Variants in FBXL18 observed in about 807,000 individuals in gnomAD.
FBXL18 encodes the protein F-box/LRR-repeat protein 18.
Under a neutral mutation model 46.0 loss-of-function variants are expected in FBXL18, and 36 were observed. The ratio of observed to expected loss-of-function variants is 0.78; its 90% CI spans 0.60 to 1.03. The LOEUF is 1.03. Ranked by LOEUF, FBXL18 falls within the 50% of genes least tolerant of loss-of-function variation. FBXL18 has a pLI of 0.00. For synonymous variants in FBXL18, 557 were observed against 465.3 expected (o/e 1.20, Z -2.54); for missense variants, 977 against 1,004.1 (o/e 0.97, Z 0.36).
rs554123392 is a variant in FBXL18, at chr7:5,513,775, G to T, written c.-101C>A. The T allele has an allele frequency of 2.0e-6, 3 of 1,484,514 alleles. No homozygotes were observed. The highest frequency in any genetic ancestry group is 1.8e-6 in the Non-Finnish European group (2 of 1,100,540). 92.0% of individuals were successfully genotyped at this position (1,484,514 alleles called of 1,614,324 possible). A position where few individuals can be genotyped will look rare whatever the true frequency, so the allele number is the denominator to read the frequency against. ...AAGCCGGCGCGTCCACCGCTCAACCGAGACCCCGGCAAGGAGCGGGCTCTC... is the reference window on the plus strand; with the variant it reads ...AAGCCGGCGCGTCCACCGCTCAACCTAGACCCCGGCAAGGAGCGGGCTCTC... On this transcript the variant is annotated 5_prime_UTR_variant, in exon 1 of 5. Coordinates refer to ENST00000382368, the MANE Select transcript of FBXL18 (RefSeq NM_024963.6).
chr7:5,481,491 C>G lies in FBXL18; in HGVS notation c.*284G>C, dbSNP rs1783643682. 1 of 369,902 alleles carries G rather than the reference C, an allele frequency of 2.7e-6. No individual in the cohort carries two copies. The highest frequency in any genetic ancestry group is 5.0e-6 in the Non-Finnish European group (1 of 199,408). 22.9% of individuals were successfully genotyped at this position (369,902 alleles called of 1,614,324 possible). A position where few individuals can be genotyped will look rare whatever the true frequency, so the allele number is the denominator to read the frequency against. On this transcript the variant is annotated 3_prime_UTR_variant, in exon 5 of 5. Transcript: ENST00000382368. ...GGATTGCGGCTCAGTATACAAACCC[C>G]CCAGCCAGGCCCCAAGGGTCAGCCT...
chr7:5,484,729 C>A (rs1364557219), intron 4 of FBXL18, among the ~76,000 whole-genome samples: 1 of 151,132 alleles, frequency 6.6e-6, no homozygotes, highest in Non-Finnish European at 1.5e-5. Context: ...ACCTCCGCCT[C>A]CCGAGCTTAA....
At chr7:5,503,435 C>G (rs552337994) in intron 2 of FBXL18, among the ~76,000 whole-genome samples, 2 of 152,260 alleles carry the variant, frequency 1.3e-5, no homozygotes, top group East Asian at 3.9e-4. Flanking sequence ...TTACTGCAGC[C>G]TTGATGTCCC....
chr7:5,463,304 T>C lies in FBXL18; in HGVS notation c.2001-15461A>G, dbSNP rs190833295. 1.4e-3 allele frequency among the ~76,000 whole-genome samples: 219 copies of C among 151,844 alleles called. 1 individual carries two copies. Among genetic ancestry groups the C allele is most frequent in the African/African-American group, 5.0e-3 (206 of 41,434 alleles). ...TACTTCTAGTATATATCCAAGAGAA[T>C]TGAAAACACGTCCACCTAAGAATTT... is the stretch of plus-strand genomic sequence containing the variant. On this transcript the variant is annotated intron_variant and NMD_transcript_variant, in intron 4 of 6. Transcript: ENST00000415009.
intron 4 of FBXL18, among the ~76,000 whole-genome samples, chr7:5,468,602 A>G (rs752983181): frequency 7.2e-5 from 11 of 151,996 alleles, no homozygotes; most frequent in Admixed American, 1.3e-4. Flanking sequence ...CTCTTTTTAT[A>G]TTTATTTAGT....
rs369608633 is a variant in FBXL18, at chr7:5,491,254, G to C, written c.1977C>G (p.Ser659Arg). ...FTGESLATCKSLQQSLLRSFQ... is the reference protein window; with the variant it reads ...FTGESLATCKRLQQSLLRSFQ... ...ACCTGCGGAGAAGCGACTGCTGCAG[G>C]CTCTTGCAGGTGGCGAGGGACTCCC... The change falls in exon 4 of 5, where the codon AGC (serine) becomes AGG (arginine). Residue 659 changes from serine to arginine, a missense_variant. Coordinates refer to ENST00000382368, the MANE Select transcript of FBXL18 (RefSeq NM_024963.6). The C allele has an allele frequency of 1.9e-6, 3 of 1,612,844 alleles. No homozygotes were observed. The South Asian group carries it at 3.3e-5, about 18-fold the overall frequency.
At chr7:5,459,899 T>G (rs1584178740) in intron 4 of FBXL18, among the ~76,000 whole-genome samples, 1 of 149,992 alleles carries the variant, frequency 6.7e-6, no homozygotes, top group Non-Finnish European at 1.5e-5. Flanking sequence ...GGCAGCAGAG[T>G]GAGACTCTGT....
rs1280863374 is a variant in FBXL18 at position 5,496,939 on chromosome 7, G to A, written c.1781+3549C>T. 2.7e-5 allele frequency among the ~76,000 whole-genome samples: 4 copies of A among 150,702 alleles called. No individual in the cohort carries two copies. Among genetic ancestry groups the A allele is most frequent in the Non-Finnish European group, 4.4e-5 (3 of 67,904 alleles). On this transcript the variant is annotated intron_variant, in intron 3 of 4. Coordinates refer to ENST00000382368, the MANE Select transcript of FBXL18 (RefSeq NM_024963.6). The surrounding 1 kb of genome is among the most constrained non-coding windows in gnomAD (Gnocchi z 4.8). ...CCAGCTACTCTGGAGGCTGAGACAG[G>A]AGAATCGCTTGAATCCAGGAGGCAG...
At chr7:5,507,558 G>A (rs57745520) in intron 1 of FBXL18, among the ~76,000 whole-genome samples, 306 of 152,234 alleles carry the variant, frequency 2.0e-3, no homozygotes, top group African/African-American at 7.0e-3. Context: ...GAACAAGGCC[G>A]GGCATGGTGA....
intron 4 of FBXL18, 60 bp downstream of exon 4, chr7:5,491,171 G>A (rs975614153): frequency 1.6e-5 from 23 of 1,464,250 alleles, no homozygotes; most frequent in Non-Finnish European, 2.0e-5. Context: ...TGGGGACCAG[G>A]TCACGGGATG....
At position 5,501,707 on chromosome 7, in the gene FBXL18, C is replaced by A; in HGVS notation, c.562G>T (p.Val188Leu). The change falls in exon 3 of 5, where the codon GTG becomes TTG. Residue 188 changes from valine (V) to leucine (L), a missense_variant. Val to Leu is a conservative substitution (Grantham distance 32). Transcript: ENST00000382368. The part of the protein sequence containing the change: ...QTLFTPSYGV[V>L]PCCTSLEKLL... Reference sequence around the variant, plus strand: ...TTCTCTAGGCTGGTGCAGCAGGGCACCACGCCGTAGGAGGGAGTGAACAGC... The same window carrying A: ...TTCTCTAGGCTGGTGCAGCAGGGCAACACGCCGTAGGAGGGAGTGAACAGC... 6.3e-7 allele frequency: 1 copy of A among 1,593,210 alleles called. No homozygotes were observed. The highest frequency in any genetic ancestry group is 8.6e-7 in the Non-Finnish European group (1 of 1,169,540).
intron 4 of FBXL18, among the ~76,000 whole-genome samples, chr7:5,484,637 T>TG (rs1554319678): frequency 8.2e-6 from 1 of 122,192 alleles, no homozygotes. Context: ...ACTGACCAGC[T>TG]AATTTTTTTT....
chr7:5,501,648 C>T lies in FBXL18; in HGVS notation c.621G>A (p.Thr207=). 6.2e-7 allele frequency: 1 copy of T among 1,612,666 alleles called. No individual in the cohort carries two copies. The highest frequency in any genetic ancestry group is 8.5e-7 in the Non-Finnish European group (1 of 1,179,522). ...GGCCCGAGAGGATGGCGCCCTCGCG[C>T]GTGCGGTCCAGAATCTCGAAGTAGA... The part of the protein sequence containing the change: ...LLLYFEILDR[T]REGAILSGQL... Residue 207 remains threonine, a synonymous_variant, in exon 3 of 5, where the codon ACG becomes ACA. Transcript: ENST00000382368.
chr7:5,486,661 G>C (rs1274900326), intron 4 of FBXL18, among the ~76,000 whole-genome samples: 1 of 152,014 alleles, frequency 6.6e-6, no homozygotes, highest in African/African-American at 2.4e-5. Flanking sequence ...TCTAAAAAAA[G>C]AAAAAGAAAG....
In FBXL18 at chr7:5,505,584, A is replaced by T. The variant is rs200975940; in HGVS notation, c.65T>A (p.Met22Lys). Residue 22 changes from methionine to lysine, a missense_variant, in exon 2 of 5, where the codon ATG becomes AAG. Transcript: ENST00000382368. ...CCCTAGGAGGTGGACCCCGTCTGCC[A>T]TCCCGGCTGCTGCAGGGTGCATGTC... ...DDDMHPAAAG[M>K]ADGVHLLGFS... 6.2e-7 allele frequency: 1 copy of T among 1,614,064 alleles called. No homozygotes were observed. The highest frequency in any genetic ancestry group is 8.5e-7 in the Non-Finnish European group (1 of 1,179,980).
At chr7:5,484,242 T>C (rs1047940399) in intron 4 of FBXL18, among the ~76,000 whole-genome samples, 31 of 151,456 alleles carry the variant, frequency 2.0e-4, no homozygotes, top group Non-Finnish European at 2.1e-4. Flanking sequence ...CCAAGGCGGG[T>C]GGATCACGAG....
downstream of FBXL18, among the ~76,000 whole-genome samples, chr7:5,475,214 C>T (rs1293096749): frequency 2.6e-5 from 4 of 151,594 alleles, no homozygotes; most frequent in Non-Finnish European, 4.4e-5. The surrounding 1 kb of genome is among the most constrained non-coding windows in gnomAD (Gnocchi z 4.2). Flanking sequence ...CCCAGCTACT[C>T]CGGAGGCTGA....
At chr7:5,463,304 T>G (rs190833295) in intron 4 of FBXL18, among the ~76,000 whole-genome samples, 2 of 151,730 alleles carry the variant, frequency 1.3e-5, no homozygotes, top group Non-Finnish European at 2.9e-5. Flanking sequence ...TCCAAGAGAA[T>G]TGAAAACACG....
intron 4 of FBXL18, among the ~76,000 whole-genome samples, chr7:5,484,417 C>G (rs1461744329): frequency 7.0e-6 from 1 of 143,322 alleles, no homozygotes; most frequent in African/African-American, 2.6e-5. Context: ...TTGCAGTGAG[C>G]AGAGATTGCG....
Sources: allele counts gnomAD v4.1 joint callset (sites outside exome capture counted in the v4.1 genomes callset), GRCh38; gene constraint gnomAD v4.1.1; non-coding constraint Gnocchi (gnomAD v3.1); transcripts MANE v1.5; gene names NCBI Gene and HGNC (gene_info 2026-07-23, HGNC 2026-07-21).